RAD51B: variants seen among roughly 807,000 people sequenced by gnomAD.
RAD51B encodes DNA repair protein RAD51 homolog 2.
Under a neutral mutation model 42.2 loss-of-function variants are expected in RAD51B, and 38 were observed. The ratio of observed to expected loss-of-function variants is 0.90; its 90% confidence interval spans 0.70 to 1.18. The LOEUF (loss-of-function observed/expected upper bound fraction) is 1.18, where lower values mean the gene tolerates loss of function less well. RAD51B is among the 50% of genes most tolerant of loss of function. The probability of loss-of-function intolerance (pLI) is 0.00; values close to 1 mark genes in which losing one functional copy is unlikely to be tolerated. For missense variants in RAD51B, 373 were observed against 400.7 expected (o/e 0.93, Z 0.59); for synonymous variants, 154 against 145.2 (o/e 1.06, Z -0.43).
chr14:68,052,882 C>T (rs1366509699), intron 7 of RAD51B, among the ~76,000 whole-genome samples: 1 of 152,002 alleles, frequency 6.6e-6, no homozygotes, highest in Non-Finnish European at 1.5e-5. Flanking sequence ...ATCTGCCTGC[C>T]TTGGGCTCCC....
chr14:68,180,613 A>T (rs1321027257), intron 7 of RAD51B, among the ~76,000 whole-genome samples: 1 of 152,216 alleles, frequency 6.6e-6, no homozygotes, highest in African/African-American at 2.4e-5. Flanking sequence ...AGGCAAAAAG[A>T]GGCTAAGTAA....
intron 8 of RAD51B, chr14:68,339,165 G>A: frequency 1.3e-6 from 1 of 774,208 alleles, no homozygotes. Flanking sequence ...TTTGCTGGTA[G>A]CTTTCTTCTT....
At chr14:68,602,757 T>C (rs1891276859) in intron 10 of RAD51B, among the ~76,000 whole-genome samples, 1 of 152,136 alleles carries the variant, frequency 6.6e-6, no homozygotes, top group Admixed American at 6.5e-5. Flanking sequence ...ATCTAAAGAA[T>C]ACCTTCACAG....
chr14:68,509,158 G>T (rs903370917), intron 10 of RAD51B, among the ~76,000 whole-genome samples: 1 of 152,250 alleles, frequency 6.6e-6, no homozygotes, highest in Non-Finnish European at 1.5e-5. Context: ...AGGGGTGAGT[G>T]TAGTCTGGCC....
intron 4 of RAD51B, among the ~76,000 whole-genome samples, chr14:67,836,757 A>G (rs1316363145): frequency 6.6e-6 from 1 of 152,096 alleles, no homozygotes; most frequent in African/African-American, 2.4e-5. Flanking sequence ...GAGCCACTAC[A>G]CCTGGCCAAC....
At chr14:68,215,576 A>G (rs567334449) in intron 7 of RAD51B, among the ~76,000 whole-genome samples, 2 of 152,322 alleles carry the variant, frequency 1.3e-5, no homozygotes, top group South Asian at 2.1e-4. Context: ...TAGTTGCCCA[A>G]GGTCATGCAG....
rs778062629 is a variant in RAD51B, at chr14:67,823,552, C to T, written c.9C>T (p.Ser3=). The T allele has an allele frequency of 1.2e-6, 2 of 1,613,508 alleles. No homozygotes were observed. The highest frequency in any genetic ancestry group is 1.7e-6 in the Non-Finnish European group (2 of 1,179,734). MG[S]KKLKRVGLSQ... is the part of the protein sequence containing the mutation. The stretch of plus-strand genomic sequence containing the variant: ...TTGCTGGATCTGGAGGCATGGGTAG[C>T]AAGAAACTAAAACGAGTGGGTTTAT... The change falls in exon 2 of 11, where the codon AGC becomes AGT. Residue 3 remains serine, a synonymous_variant. Coordinates refer to ENST00000471583, the MANE Select transcript of RAD51B (RefSeq NM_133510.4).
intron 9 of RAD51B, among the ~76,000 whole-genome samples, chr14:68,418,586 G>A (rs2084619649): frequency 6.6e-6 from 1 of 152,198 alleles, no homozygotes; most frequent in African/African-American, 2.4e-5. Context: ...GCAGTTGCAG[G>A]AAGTAGAAGA....
intron 7 of RAD51B, among the ~76,000 whole-genome samples, chr14:67,935,279 T>G (rs186961832): frequency 5.3e-5 from 8 of 152,308 alleles, no homozygotes; most frequent in African/African-American, 1.9e-4. Context: ...GAGTGTAAGA[T>G]ATGGTGCACT....
intron 7 of RAD51B, among the ~76,000 whole-genome samples, chr14:67,953,813 T>G (rs1200447345): frequency 6.6e-6 from 1 of 151,716 alleles, no homozygotes; most frequent in Non-Finnish European, 1.5e-5. Context: ...AAGAAGAAAA[T>G]TAGGAAGAGG....
chr14:68,221,126 G>A (rs1270688631), intron 7 of RAD51B, among the ~76,000 whole-genome samples: 1 of 152,060 alleles, frequency 6.6e-6, no homozygotes, highest in African/African-American at 2.4e-5. Context: ...ACTGCCAAAA[G>A]CCCTCTGCAA....
intron 4 of RAD51B, among the ~76,000 whole-genome samples, chr14:67,857,508 T>C (rs2042034664): frequency 6.6e-6 from 1 of 152,366 alleles, no homozygotes; most frequent in African/African-American, 2.4e-5. Flanking sequence ...AGTAATACTT[T>C]ACATTTTCAA....
At chr14:68,566,203 G>A (rs1403715444) in intron 10 of RAD51B, among the ~76,000 whole-genome samples, 1 of 152,180 alleles carries the variant, frequency 6.6e-6, no homozygotes, top group South Asian at 2.1e-4. Flanking sequence ...GAGTGTGTCT[G>A]TTTTCTTTAC....
intron 7 of RAD51B, among the ~76,000 whole-genome samples, chr14:68,227,675 T>C (rs1374653735): frequency 7.2e-5 from 11 of 152,208 alleles, no homozygotes; most frequent in Admixed American, 1.3e-4. Context: ...TGTGCTTTTT[T>C]CTTCAGGGTC....
chr14:68,527,480 C>G (rs1299757474), intron 10 of RAD51B, among the ~76,000 whole-genome samples: 1 of 152,248 alleles, frequency 6.6e-6, no homozygotes. Context: ...GGAGTCACAA[C>G]AAAGTGGCAG....
intron 7 of RAD51B, among the ~76,000 whole-genome samples, chr14:68,007,185 A>G (rs1436880232): frequency 6.6e-6 from 1 of 152,114 alleles, no homozygotes; most frequent in African/African-American, 2.4e-5. Flanking sequence ...GCTCATCTAT[A>G]TTACAACATG....
chr14:68,459,305 C>G (rs1427578650), intron 9 of RAD51B, among the ~76,000 whole-genome samples: 1 of 152,218 alleles, frequency 6.6e-6, no homozygotes, highest in African/African-American at 2.4e-5. Flanking sequence ...GTTTGCCTCC[C>G]TGGCTCTCTT....
intron 8 of RAD51B, among the ~76,000 whole-genome samples, chr14:68,400,308 G>A (rs1179474354): frequency 7.2e-5 from 11 of 152,208 alleles, no homozygotes; most frequent in Non-Finnish European, 1.2e-4. Flanking sequence ...CCCAGAAAGA[G>A]TGACTGGTAA....
At chr14:68,661,977 G>A (rs370309066) in intron 11 of RAD51B, among the ~76,000 whole-genome samples, 2 of 152,266 alleles carry the variant, frequency 1.3e-5, no homozygotes, top group Non-Finnish European at 1.5e-5. Flanking sequence ...TATCTCTTCT[G>A]CTTTTCCTTC....
Sources: gnomAD v4.1 joint callset for allele counts (sites outside exome capture counted in the v4.1 genomes callset) on GRCh38, gnomAD v4.1.1 for gene constraint, MANE v1.5 for transcripts, NCBI Gene and HGNC (gene_info 2026-07-23, HGNC 2026-07-21) for gene names.